Variants in FUT6 observed in about 807,000 individuals in gnomAD.
The protein encoded by FUT6 is fucosyltransferase 6, also known as 4-galactosyl-N-acetylglucosaminide 3-alpha-L-fucosyltransferase FUT6.
For synonymous variants in FUT6, 187 were observed against 209.9 expected, an observed-to-expected ratio of 0.89 and a Z score of 0.94; for missense variants, 454 against 494.6, an observed-to-expected ratio of 0.92 and a Z score of 0.78.
rs914380313 is a variant in FUT6, at chr19:5,838,870, G to A, written c.-334C>T. ...CCCAGGGCATCCTGTCCTGGAGCCC[G>A]GACATCCTTTGAAAACAAATCGTGG... On this transcript the variant is annotated 5_prime_UTR_variant, in exon 1 of 3. Transcript: ENST00000318336. The A allele has an allele frequency of 1.3e-5, 2 of 152,246 alleles. No individual in the cohort carries two copies. The highest frequency in any genetic ancestry group is 2.1e-4 in the South Asian group (1 of 4,826). 9.4% of individuals were successfully genotyped at this position (152,246 alleles called of 1,614,324 possible). A position where few individuals can be genotyped will look rare whatever the true frequency, so the allele number is the denominator to read the frequency against.
chr19:5,831,052 C>A lies in FUT6; in HGVS notation c.*436G>T. On this transcript the variant is annotated 3_prime_UTR_variant, in exon 3 of 3. Coordinates refer to ENST00000318336, the MANE Select transcript of FUT6 (RefSeq NM_000150.4). The surrounding 1 kb of genome is among the most constrained non-coding windows in gnomAD (Gnocchi z 7.0). ...GCCCCATGGGTGCCAGTTCCCAGGG[C>A]CCAGTGCCCTCCAGGGTGAGGTCCC... 1 of 534,892 alleles carries A rather than the reference C, an allele frequency of 1.9e-6. No homozygotes were observed. The highest frequency in any genetic ancestry group is 3.4e-6 in the Non-Finnish European group (1 of 296,630). The allele number at this position is 534,892 out of a possible 1,614,324, so 33.1% of individuals were successfully genotyped here.
intron 2 of FUT6, chr19:5,834,550 C>A (rs978946337): frequency 6.6e-6 from 1 of 152,524 alleles, no homozygotes; most frequent in South Asian, 2.1e-4. Context: ...GTAATCCCAG[C>A]ACTTTGGGAG....
chr19:5,836,676 C>T (rs866865405), intron 1 of FUT6, among the ~76,000 whole-genome samples: 8 of 152,000 alleles, frequency 5.3e-5, no homozygotes, highest in African/African-American at 1.9e-4. Flanking sequence ...ATCTCTACAA[C>T]GAATTTTATT....
intron 1 of FUT6, chr19:5,838,088 T>C: frequency 6.6e-6 from 1 of 152,100 alleles, no homozygotes; most frequent in Non-Finnish European, 1.5e-5. Context: ...GACCTCTTCC[T>C]AGGAGACAGT....
chr19:5,832,235 C>T lies in FUT6; in HGVS notation c.333G>A (p.Glu111=), dbSNP rs762279349. The T allele has an allele frequency of 4.3e-6, 7 of 1,614,002 alleles. No individual in the cohort carries two copies. Among genetic ancestry groups the T allele is most frequent in the East Asian group, 2.2e-5 (1 of 44,874 alleles). Residue 111 remains glutamate (E), a synonymous_variant, in exon 3 of 3, where the codon GAG becomes GAA. Coordinates refer to ENST00000318336, the MANE Select transcript of FUT6 (RefSeq NM_000150.4). The surrounding 1 kb of genome is among the most constrained non-coding windows in gnomAD (Gnocchi z 4.3). ...GCTGGGCACTGGGGTTGTACATGAC[C>T]TCTCGGTGGTGCACGATGACCGCGT... The part of the protein sequence containing the change: ...QADAVIVHHR[E]VMYNPSAQLP...
rs1350566264 is a variant in FUT6, at chr19:5,838,898, C to G, written c.-362G>C. The G allele has an allele frequency of 6.6e-6, 1 of 152,262 alleles. No individual in the cohort carries two copies. Among genetic ancestry groups the G allele is most frequent in the African/African-American group, 2.4e-5 (1 of 41,452 alleles). The allele number at this position is 152,262 out of a possible 1,614,324, so 9.4% of individuals were successfully genotyped here. The stretch of plus-strand genomic sequence containing the variant: ...CATCCTTTGAAAACAAATCGTGGGG[C>G]TCCCCTAATCCCCGTTGCAGAACCA... On this transcript the variant is annotated 5_prime_UTR_variant, in exon 1 of 3. Coordinates refer to ENST00000318336, the MANE Select transcript of FUT6 (RefSeq NM_000150.4).
In FUT6 at chr19:5,830,732, A is replaced by C; in HGVS notation, c.*756T>G. 1 of 158,158 alleles carries C rather than the reference A, an allele frequency of 6.3e-6. No individual in the cohort carries two copies. The highest frequency in any genetic ancestry group is 1.4e-5 in the Non-Finnish European group (1 of 71,752). The allele number at this position is 158,158 out of a possible 1,614,324, so 9.8% of individuals were successfully genotyped here. ...AGCGATTCTCCTGCCTCAGCTTCCC[A>C]AGTAGCTGGGATTACAGGCATGCAC... On this transcript the variant is annotated 3_prime_UTR_variant, in exon 3 of 3. Coordinates refer to ENST00000318336, the MANE Select transcript of FUT6 (RefSeq NM_000150.4).
At position 5,832,043 on chromosome 19, in the gene FUT6, G is replaced by T. The variant is rs150924444; in HGVS notation, c.525C>A (p.Ser175=). The T allele has an allele frequency of 2.5e-6, 4 of 1,613,592 alleles. No individual in the cohort carries two copies. In the South Asian group the frequency reaches 4.4e-5, roughly 18 times the overall value. The change falls in exon 3 of 3, where the codon TCC becomes TCA. Residue 175 remains serine (S), a synonymous_variant. Coordinates refer to ENST00000318336, the MANE Select transcript of FUT6 (RefSeq NM_000150.4). This position sits in a 1 kb window ranked among gnomAD's most constrained non-coding sequence, Gnocchi z 4.3. ...TGAGCGGTGGGTGGGCAGGCTGGCCGGACCACGGCTCCAGCCAGCCGTAGG... is the reference window on the plus strand; with the variant it reads ...TGAGCGGTGGGTGGGCAGGCTGGCCTGACCACGGCTCCAGCCAGCCGTAGG... ...FTPYGWLEPW[S]GQPAHPPLNL...
chr19:5,839,281 T>C lies in FUT6; in HGVS notation c.-745A>G, dbSNP rs2057221661. ...TTCTTCAATTAAAATTGCAGCCTTT[T>C]GAATAAAAAAGGGATGGAAGGGCAT... On this transcript the variant is annotated 5_prime_UTR_variant, in exon 1 of 3. Transcript: ENST00000318336. 1 of 152,098 alleles carries C rather than the reference T, an allele frequency of 6.6e-6. No individual in the cohort carries two copies. The highest frequency in any genetic ancestry group is 2.1e-4 in the South Asian group (1 of 4,832). 9.4% of individuals were successfully genotyped at this position (152,098 alleles called of 1,614,324 possible).
At position 5,830,468 on chromosome 19, in the gene FUT6, T is replaced by G. The variant is rs1272153105; in HGVS notation, c.*1020A>C. ...TTTTTTTCTTGAGACAGTCTCACTG[T>G]GTCGCCCAGGTTGGAGTGCAGTGGT... On this transcript the variant is annotated 3_prime_UTR_variant, in exon 3 of 3. Transcript: ENST00000318336. 2.0e-5 allele frequency: 3 copies of G among 151,324 alleles called. No individual in the cohort carries two copies. Among genetic ancestry groups the G allele is most frequent in the Non-Finnish European group, 4.4e-5 (3 of 67,958 alleles). 9.4% of individuals were successfully genotyped at this position (151,324 alleles called of 1,614,324 possible). A position where few individuals can be genotyped will look rare whatever the true frequency, so the allele number is the denominator to read the frequency against.
At chr19:5,837,322 G>T (rs1026459889) in intron 1 of FUT6, among the ~76,000 whole-genome samples, 2 of 151,614 alleles carry the variant, frequency 1.3e-5, no homozygotes, top group African/African-American at 4.9e-5. Context: ...ACAGGCATGA[G>T]TCACCACGCC....
At position 5,831,078 on chromosome 19, in the gene FUT6, C is replaced by A. The variant is rs925375826; in HGVS notation, c.*410G>T. 2 of 558,782 alleles carry A rather than the reference C, an allele frequency of 3.6e-6. No homozygotes were observed. Among genetic ancestry groups the A allele is most frequent in the African/African-American group, 3.8e-5 (2 of 52,948 alleles). 34.6% of individuals were successfully genotyped at this position (558,782 alleles called of 1,614,324 possible). A position where few individuals can be genotyped will look rare whatever the true frequency, so the allele number is the denominator to read the frequency against. ...CCAGTGCCCTCCAGGGTGAGGTCCCCAGCAGGTGAGGCTCCTAGCAGGTGA... is the reference window on the plus strand; with the variant it reads ...CCAGTGCCCTCCAGGGTGAGGTCCCAAGCAGGTGAGGCTCCTAGCAGGTGA... On this transcript the variant is annotated 3_prime_UTR_variant, in exon 3 of 3. Transcript: ENST00000318336. This position sits in a 1 kb window ranked among gnomAD's most constrained non-coding sequence, Gnocchi z 7.0.
chr19:5,834,074 T>C (rs934715425), intron 2 of FUT6, among the ~76,000 whole-genome samples: 3 of 151,778 alleles, frequency 2.0e-5, no homozygotes, highest in Non-Finnish European at 4.4e-5. Context: ...AGAGGTTGCA[T>C]TGAGCCAAGA....
At chr19:5,833,332 T>C (rs1341085007) in intron 2 of FUT6, among the ~76,000 whole-genome samples, 1 of 149,396 alleles carries the variant, frequency 6.7e-6, no homozygotes, top group Non-Finnish European at 1.5e-5. Flanking sequence ...CTACTAAAAA[T>C]GCAAAAATTG....
intron 2 of FUT6, among the ~76,000 whole-genome samples, chr19:5,833,799 A>G (rs931459041): frequency 2.0e-5 from 3 of 151,972 alleles, no homozygotes; most frequent in Admixed American, 2.0e-4. Flanking sequence ...TCTCCAAAAA[A>G]AAAAAAAAGA....
intron 1 of FUT6, among the ~76,000 whole-genome samples, chr19:5,835,572 T>G (rs1244097551): frequency 6.6e-6 from 1 of 152,042 alleles, no homozygotes; most frequent in Non-Finnish European, 1.5e-5. Context: ...TTACCTGAGG[T>G]CAGGAGTTCA....
At position 5,832,066 on chromosome 19, in the gene FUT6, A is replaced by T. The variant is rs773123875; in HGVS notation, c.502T>A (p.Tyr168Asn). 5.6e-6 allele frequency: 9 copies of T among 1,613,718 alleles called. No individual in the cohort carries two copies. In the East Asian group the frequency reaches 2.0e-4, roughly 36 times the overall value. ...YRSDSDIFTP[Y>N]GWLEPWSGQP... Reference sequence around the variant, plus strand: ...CCGGACCACGGCTCCAGCCAGCCGTAGGGCGTGAAGATGTCGGAGTCGCTG... The same window carrying T: ...CCGGACCACGGCTCCAGCCAGCCGTTGGGCGTGAAGATGTCGGAGTCGCTG... The change falls in exon 3 of 3, where the codon TAC (tyrosine) becomes AAC (asparagine). Residue 168 changes from tyrosine to asparagine, a missense_variant. Transcript: ENST00000318336. The surrounding 1 kb of genome is among the most constrained non-coding windows in gnomAD (Gnocchi z 4.3).
At chr19:5,836,556 T>A (rs1245921362) in intron 1 of FUT6, among the ~76,000 whole-genome samples, 2 of 152,008 alleles carry the variant, frequency 1.3e-5, no homozygotes, top group African/African-American at 4.8e-5. Context: ...TGGCCGGGAG[T>A]AATGGCTTAC....
Position 5,832,243 on chromosome 19 carries a change from G to A in FUT6, c.325C>T (p.His109Tyr), listed in dbSNP as rs1196045368. 1.9e-6 allele frequency: 3 copies of A among 1,614,012 alleles called. No homozygotes were observed. The highest frequency in any genetic ancestry group is 2.5e-6 in the Non-Finnish European group (3 of 1,180,026). The change falls in exon 3 of 3, where the codon CAC becomes TAC. Residue 109 changes from histidine to tyrosine, a missense_variant. Transcript: ENST00000318336. This position sits in a 1 kb window ranked among gnomAD's most constrained non-coding sequence, Gnocchi z 4.3. ...CTGGGGTTGTACATGACCTCTCGGT[G>A]GTGCACGATGACCGCGTCTGCCTGT... is the stretch of plus-strand genomic sequence containing the variant. ...YPQADAVIVHHREVMYNPSAQ... is the reference protein window; with the variant it reads ...YPQADAVIVHYREVMYNPSAQ...
Sources: gnomAD v4.1 joint callset for allele counts (sites outside exome capture counted in the v4.1 genomes callset) on GRCh38, gnomAD v4.1.1 for gene constraint, Gnocchi (gnomAD v3.1) non-coding constraint, MANE v1.5 for transcripts, NCBI Gene and HGNC (gene_info 2026-07-23, HGNC 2026-07-21) for gene names.